Variants in PLAAT3 observed in about 807,000 individuals in gnomAD.
PLAAT3 encodes phospholipase A and acyltransferase 3.
A neutral mutation model predicts 16.7 loss-of-function variants in PLAAT3; 21 were observed. The ratio of observed to expected loss-of-function variants is 1.26; its 90% CI spans 0.89 to 1.81. The LOEUF is 1.81. Among genes scored for constraint, PLAAT3 ranks in the 40% most tolerant of loss-of-function variants. The pLI, the probability that PLAAT3 is intolerant of heterozygous loss-of-function variation, is 0.00. For missense variants in PLAAT3, 219 were observed against 213.7 expected, an observed-to-expected ratio of 1.02 and a Z score of -0.16; for synonymous variants, 76 against 81.7, an observed-to-expected ratio of 0.93 and a Z score of 0.38.
At chr11:63,590,966 T>C (rs1938137812) in intron 3 of PLAAT3, among the ~76,000 whole-genome samples, 1 of 152,038 alleles carries the variant, frequency 6.6e-6, no homozygotes, top group African/African-American at 2.4e-5. Context: ...GGAGTCCAGG[T>C]TCAACATGAA....
At chr11:63,606,712 A>T (rs1362439725) in intron 2 of PLAAT3, among the ~76,000 whole-genome samples, 1 of 151,988 alleles carries the variant, frequency 6.6e-6, no homozygotes, top group Non-Finnish European at 1.5e-5. Flanking sequence ...CAAAGGCCCC[A>T]GCGGGGCGCG....
intron 4 of PLAAT3, among the ~76,000 whole-genome samples, chr11:63,578,474 C>A (rs115779805): frequency 0.012 from 1,814 of 152,120 alleles, 46 homozygotes; most frequent in African/African-American, 0.042. Flanking sequence ...TTTCTCAAAG[C>A]AATTCTGGAA....
intron 3 of PLAAT3, 22 bp downstream of exon 3, chr11:63,598,039 T>C: frequency 6.7e-7 from 1 of 1,494,376 alleles, no homozygotes; most frequent in Non-Finnish European, 9.3e-7. Context: ...CCCATCACAG[T>C]GGAGGTCCCA....
chr11:63,614,335 C>G (rs962743565), intron 1 of PLAAT3, 50 bp downstream of exon 1: 38 of 414,762 alleles, frequency 9.2e-5, no homozygotes, highest in Non-Finnish European at 1.6e-4. Context: ...GCATCCCAGG[C>G]ACCTCGCCCG....
intron 4 of PLAAT3, among the ~76,000 whole-genome samples, chr11:63,584,344 C>A (rs1441157863): frequency 6.7e-6 from 1 of 149,730 alleles, no homozygotes. Context: ...CAAAACCCTA[C>A]TAAAATATAT....
intron 2 of PLAAT3, among the ~76,000 whole-genome samples, chr11:63,607,326 T>C (rs1321877897): frequency 1.3e-5 from 2 of 151,960 alleles, no homozygotes; most frequent in African/African-American, 4.8e-5. Context: ...CCTTATGAGA[T>C]CAGCTCCTCC....
intron 2 of PLAAT3, among the ~76,000 whole-genome samples, chr11:63,605,288 C>T (rs1469291668): frequency 1.3e-5 from 2 of 151,978 alleles, no homozygotes; most frequent in African/African-American, 4.8e-5. Flanking sequence ...ATCTCAGCTA[C>T]TCGGGAGGCT....
intron 4 of PLAAT3, among the ~76,000 whole-genome samples, chr11:63,581,129 C>T (rs200562651): frequency 3.9e-5 from 6 of 152,184 alleles, no homozygotes; most frequent in Non-Finnish European, 8.8e-5. Flanking sequence ...CACTATTGTA[C>T]AAACTGATTG....
chr11:63,609,648 G>C (rs554137842), intron 2 of PLAAT3, among the ~76,000 whole-genome samples: 1 of 152,230 alleles, frequency 6.6e-6, no homozygotes, highest in African/African-American at 2.4e-5. Flanking sequence ...CTCGGGCAGA[G>C]AGAGAAGGAG....
At chr11:63,607,603 C>T (rs1034101652) in intron 2 of PLAAT3, among the ~76,000 whole-genome samples, 1 of 151,876 alleles carries the variant, frequency 6.6e-6, no homozygotes, top group African/African-American at 2.4e-5. Context: ...ATTTTTGTTT[C>T]GGTCTTGAAA....
intron 4 of PLAAT3, among the ~76,000 whole-genome samples, chr11:63,585,941 G>T (rs889732677): frequency 6.6e-6 from 1 of 152,092 alleles, no homozygotes; most frequent in Non-Finnish European, 1.5e-5. Flanking sequence ...TTATGGCCAG[G>T]CGCAGTGGCT....
intron 2 of PLAAT3, among the ~76,000 whole-genome samples, chr11:63,604,825 C>G (rs1182927215): frequency 2.0e-5 from 3 of 151,882 alleles, no homozygotes; most frequent in African/African-American, 7.3e-5. Flanking sequence ...ATTTTAGAAC[C>G]AGAAATTGAG....
At chr11:63,588,978 A>C (rs1444379768) in intron 4 of PLAAT3, among the ~76,000 whole-genome samples, 2 of 110,514 alleles carry the variant, frequency 1.8e-5, no homozygotes, top group African/African-American at 8.8e-5. Flanking sequence ...TGAGCCAAGC[A>C]AAAAAAAAAA....
chr11:63,578,652 G>C (rs912545928), intron 4 of PLAAT3, among the ~76,000 whole-genome samples: 16 of 151,770 alleles, frequency 1.1e-4, no homozygotes, highest in African/African-American at 3.9e-4. Flanking sequence ...ATGGTGCTGG[G>C]AAAACTGGCT....
At chr11:63,594,328 G>A (rs530973042) in intron 3 of PLAAT3, among the ~76,000 whole-genome samples, 5 of 152,276 alleles carry the variant, frequency 3.3e-5, no homozygotes, top group African/African-American at 9.6e-5. Context: ...GGAAGCTAAG[G>A]AATCCAATGA....
intron 3 of PLAAT3, among the ~76,000 whole-genome samples, chr11:63,595,748 C>T (rs1938272532): frequency 6.6e-6 from 1 of 152,052 alleles, no homozygotes; most frequent in African/African-American, 2.4e-5. Flanking sequence ...GTACATTTTA[C>T]AATACTTATG....
chr11:63,609,718 G>A (rs890204460), intron 2 of PLAAT3, among the ~76,000 whole-genome samples: 2 of 152,142 alleles, frequency 1.3e-5, no homozygotes, highest in African/African-American at 4.8e-5. Context: ...GCCACCCTGT[G>A]CCCAGGCCTC....
Position 63,590,179 on chromosome 11 carries a change from T to G in PLAAT3, c.308A>C (p.Glu103Ala). ...IQRAEELVGQ[E>A]VLYKLTSENC... is the part of the protein sequence containing the mutation. Reference sequence around the variant, plus strand: ...CTCACTGGTCAGCTTGTAGAGCACCTCCTGCCCCACCAGCTCCTCCGCCCG... The same window carrying G: ...CTCACTGGTCAGCTTGTAGAGCACCGCCTGCCCCACCAGCTCCTCCGCCCG... Residue 103 changes from glutamate to alanine, a missense_variant, in exon 4 of 5, where the codon GAG (glutamate) becomes GCG (alanine). Physicochemically the swap from Glu to Ala is moderately radical, Grantham distance 107. Transcript: ENST00000415826. The G allele has an allele frequency of 1.2e-6, 2 of 1,614,160 alleles. No individual in the cohort carries two copies. Among genetic ancestry groups the G allele is most frequent in the Non-Finnish European group, 1.7e-6 (2 of 1,179,970 alleles).
upstream of PLAAT3, among the ~76,000 whole-genome samples, chr11:63,615,669 G>GT (rs894912584): frequency 1.3e-4 from 20 of 149,874 alleles, no homozygotes; most frequent in Admixed American, 2.7e-4. Flanking sequence ...ACTTTTTGGG[G>GT]TTTTTTGTTT....
Sources: allele counts gnomAD v4.1 joint callset (sites outside exome capture counted in the v4.1 genomes callset), GRCh38; gene constraint gnomAD v4.1.1; transcripts MANE v1.5; gene names NCBI Gene and HGNC (gene_info 2026-07-23, HGNC 2026-07-21).